FOXC2: variants seen among roughly 807,000 people sequenced by gnomAD.
FOXC2 encodes forkhead box protein C2.
FOXC2 carries 7 observed loss-of-function variants against 7.2 expected under a neutral mutation model. The ratio of observed to expected loss-of-function variants is 0.97; its 90% CI spans 0.55 to 1.81. FOXC2 has a LOEUF of 1.81. Among genes scored for constraint, FOXC2 ranks in the 40% most tolerant of loss-of-function variants. The pLI is 0.00. For synonymous variants in FOXC2, 436 were observed against 350.4 expected, an observed-to-expected ratio of 1.24 and a Z score of -2.73; for missense variants, 846 against 741.2, an observed-to-expected ratio of 1.14 and a Z score of -1.64.
rs1310879511 is a variant in FOXC2, at chr16:86,568,421, G to A, written c.1086G>A (p.Pro362=). Residue 362 remains proline, a synonymous_variant, in exon 1 of 1, where the codon CCG becomes CCA. Transcript: ENST00000649859. The surrounding 1 kb of genome is among the most constrained non-coding windows in gnomAD (Gnocchi z 5.2). ...TGGACGAGGCCCTCTCGGACCACCC[G>A]AGCGGCCCCACGTCGCCCCTGAGCG... ...PALDEALSDH[P]SGPTSPLSAL... The A allele has an allele frequency of 8.1e-6, 11 of 1,350,582 alleles. No individual in the cohort carries two copies. Among genetic ancestry groups the A allele is most frequent in the African/African-American group, 1.5e-5 (1 of 65,144 alleles). 83.7% of individuals were successfully genotyped at this position (1,350,582 alleles called of 1,614,324 possible). A position where few individuals can be genotyped will look rare whatever the true frequency, so the allele number is the denominator to read the frequency against.
rs1974232705 is a variant in FOXC2 at position 86,568,457 on chromosome 16, C to T, written c.1122C>T (p.Leu374=). The change falls in exon 1 of 1, where the codon CTC becomes CTT. Residue 374 remains leucine (L), a synonymous_variant. Transcript: ENST00000649859. The surrounding 1 kb of genome is among the most constrained non-coding windows in gnomAD (Gnocchi z 5.2). ...GPTSPLSALN[L]AAGQEGALAA... ...CGTCGCCCCTGAGCGCTCTCAACCT[C>T]GCCGCCGGCCAGGAGGGCGCGCTCG... The T allele has an allele frequency of 7.4e-7, 1 of 1,349,084 alleles. No homozygotes were observed. Among genetic ancestry groups the T allele is most frequent in the South Asian group, 1.7e-5 (1 of 60,008 alleles). 83.6% of individuals were successfully genotyped at this position (1,349,084 alleles called of 1,614,324 possible).
In FOXC2 at chr16:86,567,253, C is replaced by G. The variant is rs925104768; in HGVS notation, c.-83C>G. On this transcript the variant is annotated 5_prime_UTR_variant, in exon 1 of 1. Transcript: ENST00000649859. ...CTCCTCTCCCCCTCTGGCTCTCTCG[C>G]GCTCTCTCGCTCTCAGGGCCCCCCT... 21 of 1,514,730 alleles carry G rather than the reference C, an allele frequency of 1.4e-5. No individual in the cohort carries two copies. The African/African-American group carries it at 2.6e-4, about 19-fold the overall frequency. 93.8% of individuals were successfully genotyped at this position (1,514,730 alleles called of 1,614,324 possible).
In FOXC2 at chr16:86,568,041, G is replaced by T; in HGVS notation, c.706G>T (p.Ala236Ser). Residue 236 changes from alanine (A) to serine (S), a missense_variant, in exon 1 of 1, where the codon GCG becomes TCG. Ala to Ser is a moderately conservative substitution (Grantham distance 99, BLOSUM62 1). Transcript: ENST00000649859. The surrounding 1 kb of genome is among the most constrained non-coding windows in gnomAD (Gnocchi z 5.2). ...GGTGGAGACGCTGAGCCCCGAGAGC[G>T]CGCTGCAGGGCAGCCCGCGCAGCGC... ...TKVETLSPES[A>S]LQGSPRSAAS... 6.8e-7 allele frequency: 1 copy of T among 1,464,248 alleles called. No homozygotes were observed. The allele number at this position is 1,464,248 out of a possible 1,614,324, so 90.7% of individuals were successfully genotyped here. A position where few individuals can be genotyped will look rare whatever the true frequency, so the allele number is the denominator to read the frequency against.
Position 86,567,268 on chromosome 16 carries a change from AG to A in FOXC2, c.-65del. ...GGCTCTCTCGCGCTCTCTCGCTCTC[AG>A]GGCCCCCCTCGCTCCCCCGGCCGCA... On this transcript the variant is annotated 5_prime_UTR_variant, in exon 1 of 1. Coordinates refer to ENST00000649859, the MANE Select transcript of FOXC2 (RefSeq NM_005251.3). 1.3e-6 allele frequency: 2 copies of A among 1,584,382 alleles called. No individual in the cohort carries two copies. The highest frequency in any genetic ancestry group is 8.6e-7 in the Non-Finnish European group (1 of 1,159,704).
At position 86,569,108 on chromosome 16, in the gene FOXC2, A is replaced by C; in HGVS notation, c.*267A>C. On this transcript the variant is annotated 3_prime_UTR_variant, in exon 1 of 1. Transcript: ENST00000649859. Reference sequence around the variant, plus strand: ...CCAACAAAATGAGTATTGATCTTAAAATCCCCCTCCCCTACCAGGACGGCT... The same window carrying C: ...CCAACAAAATGAGTATTGATCTTAACATCCCCCTCCCCTACCAGGACGGCT... 1.8e-6 allele frequency: 1 copy of C among 565,220 alleles called. No individual in the cohort carries two copies. The allele number at this position is 565,220 out of a possible 1,614,324, so 35.0% of individuals were successfully genotyped here. A position where few individuals can be genotyped will look rare whatever the true frequency, so the allele number is the denominator to read the frequency against.
chr16:86,567,307 G>C lies in FOXC2; in HGVS notation c.-29G>C, dbSNP rs780836609. ...TCCCCCGGCCGCAGTCCGTGCGCGA[G>C]GGCGCCGGCGAGCCGTCTCGGAAGC... On this transcript the variant is annotated 5_prime_UTR_variant, in exon 1 of 1. Coordinates refer to ENST00000649859, the MANE Select transcript of FOXC2 (RefSeq NM_005251.3). The C allele has an allele frequency of 1.2e-6, 2 of 1,611,914 alleles. No homozygotes were observed. The highest frequency in any genetic ancestry group is 2.2e-5 in the East Asian group (1 of 44,850).
In FOXC2 at chr16:86,567,566, C is replaced by T. The variant is rs138472501; in HGVS notation, c.231C>T (p.Tyr77=). 19 of 1,614,048 alleles carry T rather than the reference C, an allele frequency of 1.2e-5. No homozygotes were observed. The highest frequency in any genetic ancestry group is 2.2e-5 in the East Asian group (1 of 44,864). Residue 77 remains tyrosine, a synonymous_variant, in exon 1 of 1, where the codon TAC becomes TAT. Transcript: ENST00000649859. ...ACCTGGTGAAGCCGCCCTACAGCTA[C>T]ATCGCGCTCATCACCATGGCCATCC... ...PKDLVKPPYS[Y]IALITMAIQN...
At position 86,567,894 on chromosome 16, in the gene FOXC2, C is replaced by G. The variant is rs1281980227; in HGVS notation, c.559C>G (p.Pro187Ala). Reference sequence around the variant, plus strand: ...GGAGCGGGCCCACCTCAAGGAGCCGCCCCCGGCGGCGTCCAAGGGCGCCCC... The same window carrying G: ...GGAGCGGGCCCACCTCAAGGAGCCGGCCCCGGCGGCGTCCAAGGGCGCCCC... ...KEERAHLKEPPPAASKGAPAT... is the reference protein window; with the variant it reads ...KEERAHLKEPAPAASKGAPAT... The change falls in exon 1 of 1, where the codon CCC (proline) becomes GCC (alanine). Residue 187 changes from proline to alanine, a missense_variant. By Grantham distance (27) the Pro-to-Ala change is conservative. Transcript: ENST00000649859. 1 of 1,593,774 alleles carries G rather than the reference C, an allele frequency of 6.3e-7. No individual in the cohort carries two copies. Among genetic ancestry groups the G allele is most frequent in the African/African-American group, 1.4e-5 (1 of 73,694 alleles).
Position 86,566,889 on chromosome 16 carries a change from C to A in FOXC2, c.-447C>A, listed in dbSNP as rs1037927176. ...CTTTTTCTGGGCTCAGCGGGGCAGC[C>A]GCTCGGACCCCGGCGCGCTGACCCT... On this transcript the variant is annotated 5_prime_UTR_variant, in exon 1 of 1. Coordinates refer to ENST00000649859, the MANE Select transcript of FOXC2 (RefSeq NM_005251.3). This position sits in a 1 kb window ranked among gnomAD's most constrained non-coding sequence, Gnocchi z 4.3. Among the ~76,000 whole-genome samples, 3 of 152,120 alleles carry A rather than the reference C, an allele frequency of 2.0e-5. No individual in the cohort carries two copies. Among genetic ancestry groups the A allele is most frequent in the Admixed American group, 6.5e-5 (1 of 15,288 alleles).
Position 86,568,111 on chromosome 16 carries a change from AC to A in FOXC2, c.778del (p.His260ThrfsTer17). On this transcript the variant is annotated frameshift_variant, in exon 1 of 1. Coordinates refer to ENST00000649859, the MANE Select transcript of FOXC2 (RefSeq NM_005251.3). LOFTEE classifies it low-confidence loss of function (END_TRUNC). The surrounding 1 kb of genome is among the most constrained non-coding windows in gnomAD (Gnocchi z 5.2). ...AGSPDGSLPE[H>X]HAAAPNGLPG... is the part of the protein sequence containing the mutation. ...TCCCCCGACGGCTCGCTGCCGGAGCACCACGCCGCGGCGCCCAACGGGCTGC... is the reference window on the plus strand; with the variant it reads ...TCCCCCGACGGCTCGCTGCCGGAGCACACGCCGCGGCGCCCAACGGGCTGC... 7.3e-7 allele frequency: 1 copy of A among 1,377,748 alleles called. No homozygotes were observed. The highest frequency in any genetic ancestry group is 1.8e-5 in the South Asian group (1 of 56,650). The allele number at this position is 1,377,748 out of a possible 1,614,324, so 85.3% of individuals were successfully genotyped here. A position where few individuals can be genotyped will look rare whatever the true frequency, so the allele number is the denominator to read the frequency against.
chr16:86,568,473 G>C lies in FOXC2; in HGVS notation c.1138G>C (p.Gly380Arg). 1 of 1,314,746 alleles carries C rather than the reference G, an allele frequency of 7.6e-7. No homozygotes were observed. The highest frequency in any genetic ancestry group is 1.5e-5 in the African/African-American group (1 of 64,958). The allele number at this position is 1,314,746 out of a possible 1,614,324, so 81.4% of individuals were successfully genotyped here. The change falls in exon 1 of 1, where the codon GGC (glycine) becomes CGC (arginine). Residue 380 changes from glycine (G) to arginine (R), a missense_variant. Coordinates refer to ENST00000649859, the MANE Select transcript of FOXC2 (RefSeq NM_005251.3). The surrounding 1 kb of genome is among the most constrained non-coding windows in gnomAD (Gnocchi z 5.2). The part of the protein sequence containing the change: ...SALNLAAGQE[G>R]ALAATGHHHQ... ...TCTCAACCTCGCCGCCGGCCAGGAG[G>C]GCGCGCTCGCCGCCACGGGCCACCA...
At position 86,569,498 on chromosome 16, in the gene FOXC2, T is replaced by C. The variant is rs1974252615; in HGVS notation, c.*657T>C. 6.0e-6 allele frequency: 1 copy of C among 167,152 alleles called. No individual in the cohort carries two copies. The highest frequency in any genetic ancestry group is 6.5e-5 in the Admixed American group (1 of 15,302). 10.4% of individuals were successfully genotyped at this position (167,152 alleles called of 1,614,324 possible). On this transcript the variant is annotated 3_prime_UTR_variant, in exon 1 of 1. Transcript: ENST00000649859. ...ATTCTTTTTCCCATTGTAGGTCTTT[T>C]ACAAAACAAGAAAATAATTTATTTT...
At position 86,566,937 on chromosome 16, in the gene FOXC2, G is replaced by A. The variant is rs572257242; in HGVS notation, c.-399G>A. Among the ~76,000 whole-genome samples the A allele has an allele frequency of 2.6e-5, 4 of 152,208 alleles. No individual in the cohort carries two copies. The South Asian group carries it at 6.2e-4, about 24-fold the overall frequency. ...CCTCGGGGCTGCCGATTCGCTGGGG[G>A]CTTGGAGAGCCTCCTGCGCCCCTCC... is the stretch of plus-strand genomic sequence containing the variant. On this transcript the variant is annotated 5_prime_UTR_variant, in exon 1 of 1. Transcript: ENST00000649859. The surrounding 1 kb of genome is among the most constrained non-coding windows in gnomAD (Gnocchi z 4.3).
Position 86,569,467 on chromosome 16 carries a change from G to A in FOXC2, c.*626G>A, listed in dbSNP as rs527324417. On this transcript the variant is annotated 3_prime_UTR_variant, in exon 1 of 1. Transcript: ENST00000649859. The stretch of plus-strand genomic sequence containing the variant: ...GGTTTTGTTTCCTGTACAATTATGA[G>A]ATATAATTCTTTTTCCCATTGTAGG... 6.0e-6 allele frequency: 1 copy of A among 167,384 alleles called. No individual in the cohort carries two copies. The highest frequency in any genetic ancestry group is 1.5e-5 in the Non-Finnish European group (1 of 68,444). 10.4% of individuals were successfully genotyped at this position (167,384 alleles called of 1,614,324 possible). A position where few individuals can be genotyped will look rare whatever the true frequency, so the allele number is the denominator to read the frequency against.
chr16:86,567,435 A>G lies in FOXC2; in HGVS notation c.100A>G (p.Met34Val), dbSNP rs1451472233. 6.2e-7 allele frequency: 1 copy of G among 1,613,200 alleles called. No homozygotes were observed. The highest frequency in any genetic ancestry group is 8.5e-7 in the Non-Finnish European group (1 of 1,179,860). Residue 34 changes from methionine to valine, a missense_variant, in exon 1 of 1, where the codon ATG (methionine) becomes GTG (valine). By Grantham distance (21) the Met-to-Val change is conservative (BLOSUM62 1). Around this residue, in one of 3 missense-constraint regions of FOXC2, gnomAD observed 154 missense variants for 134.2 expected, o/e 1.15. Transcript: ENST00000649859. ...YYRAAGSYGG[M>V]ASPMGVYSGH... ...CCGGGCTGCGGGCAGCTACGGCGGC[A>G]TGGCCAGCCCCATGGGCGTCTATTC...
In FOXC2 at chr16:86,568,898, C is replaced by T. The variant is rs576955060; in HGVS notation, c.*57C>T. On this transcript the variant is annotated 3_prime_UTR_variant, in exon 1 of 1. Coordinates refer to ENST00000649859, the MANE Select transcript of FOXC2 (RefSeq NM_005251.3). The surrounding 1 kb of genome is among the most constrained non-coding windows in gnomAD (Gnocchi z 5.2). ...TCCGGCTTCGCTTCCCAGCCCCGAC[C>T]CAACCAGACAATTAAGGGGCTGCAG... 6.2e-7 allele frequency: 1 copy of T among 1,603,384 alleles called. No individual in the cohort carries two copies. The highest frequency in any genetic ancestry group is 8.5e-7 in the Non-Finnish European group (1 of 1,173,704).
At position 86,567,314 on chromosome 16, in the gene FOXC2, G is replaced by A. The variant is rs1205258166; in HGVS notation, c.-22G>A. The A allele has an allele frequency of 4.3e-6, 7 of 1,612,056 alleles. No homozygotes were observed. The African/African-American group carries it at 5.3e-5, about 12-fold the overall frequency. ...GCCGCAGTCCGTGCGCGAGGGCGCC[G>A]GCGAGCCGTCTCGGAAGCAGCATGC... On this transcript the variant is annotated 5_prime_UTR_variant, in exon 1 of 1. Coordinates refer to ENST00000649859, the MANE Select transcript of FOXC2 (RefSeq NM_005251.3).
rs753379457 is a variant in FOXC2, at chr16:86,568,673, T to C, written c.1338T>C (p.Thr446=). The change falls in exon 1 of 1, where the codon ACT becomes ACC. Residue 446 remains threonine (T), a synonymous_variant. Coordinates refer to ENST00000649859, the MANE Select transcript of FOXC2 (RefSeq NM_005251.3). This position sits in a 1 kb window ranked among gnomAD's most constrained non-coding sequence, Gnocchi z 5.2. The part of the protein sequence containing the change: ...PGHTFAAQQQ[T]FPNVREMFNS... ...ACACGTTCGCGGCCCAGCAGCAAAC[T>C]TTCCCCAACGTGCGGGAGATGTTCA... 7.4e-6 allele frequency: 12 copies of C among 1,612,580 alleles called. No homozygotes were observed. Among genetic ancestry groups the C allele is most frequent in the Middle Eastern group, 1.6e-4 (1 of 6,084 alleles).
In FOXC2 at chr16:86,568,675, T is replaced by C. The variant is rs1449081831; in HGVS notation, c.1340T>C (p.Phe447Ser). 6.2e-7 allele frequency: 1 copy of C among 1,612,582 alleles called. No homozygotes were observed. Among genetic ancestry groups the C allele is most frequent in the Non-Finnish European group, 8.5e-7 (1 of 1,179,962 alleles). Residue 447 changes from phenylalanine (F) to serine (S), a missense_variant, in exon 1 of 1, where the codon TTC becomes TCC. This residue lies in a region of FOXC2 where 640 missense variants were observed against 503.2 expected (regional missense o/e 1.27). Transcript: ENST00000649859. The surrounding 1 kb of genome is among the most constrained non-coding windows in gnomAD (Gnocchi z 5.2). ...GHTFAAQQQT[F>S]PNVREMFNSH... ...ACGTTCGCGGCCCAGCAGCAAACTT[T>C]CCCCAACGTGCGGGAGATGTTCAAC...
Sources: allele counts gnomAD v4.1 joint callset (sites outside exome capture counted in the v4.1 genomes callset), GRCh38; gene constraint gnomAD v4.1.1; regional missense constraint gnomAD v4.1.1; non-coding constraint Gnocchi (gnomAD v3.1); transcripts MANE v1.5; gene names NCBI Gene and HGNC (gene_info 2026-07-23, HGNC 2026-07-21).